SV2C: variants seen among roughly 807,000 people sequenced by gnomAD.
The protein encoded by SV2C is solute carrier family 22 member B3.
In SV2C, 49 loss-of-function variants were observed where a neutral mutation model predicts 79.7. The ratio of observed to expected loss-of-function variants is 0.61; its 90% confidence interval spans 0.49 to 0.78. The LOEUF is 0.78. Ranked by LOEUF, SV2C falls within the 30% of genes least tolerant of loss-of-function variation. SV2C has a pLI of 0.00. For missense variants in SV2C, 833 were observed against 912.9 expected, an observed-to-expected ratio of 0.91 and a Z score of 1.13; for synonymous variants, 334 against 333.2, an observed-to-expected ratio of 1.00 and a Z score of -0.03.
At chr5:76,207,095 A>G (rs996272152) in intron 3 of SV2C, among the ~76,000 whole-genome samples, 2 of 152,032 alleles carry the variant, frequency 1.3e-5, no homozygotes, top group African/African-American at 4.8e-5. Context: ...GTGTTTTCTT[A>G]TGTAACAATG....
At chr5:76,197,215 A>G (rs1380916973) in intron 3 of SV2C, among the ~76,000 whole-genome samples, 2 of 152,218 alleles carry the variant, frequency 1.3e-5, no homozygotes, top group African/African-American at 4.8e-5. Context: ...GGTAGAGAAG[A>G]TAATGTAGGA....
chr5:76,153,363 G>A (rs548664367), intron 2 of SV2C, among the ~76,000 whole-genome samples: 8 of 152,200 alleles, frequency 5.3e-5, no homozygotes, highest in Admixed American at 3.3e-4. Context: ...GATGTCTCTC[G>A]GCTCTCCTAA....
At chr5:76,291,621 T>C in intron 7 of SV2C, 147 bp from the exon 8 acceptor site, 2 of 643,936 alleles carry the variant, frequency 3.1e-6, no homozygotes, top group East Asian at 5.7e-5. Flanking sequence ...GAATGAAAAT[T>C]CCAATTACCT....
At chr5:76,016,253 C>CAAAAAAAAAAAAAAAA in the SV2C span, among the ~76,000 whole-genome samples, 3 of 14,760 alleles carry the variant, frequency 2.0e-4, no homozygotes, top group Admixed American at 1.9e-3. Context: ...TTTTAATTTT[C>CAAAAAAAAAAAAAAAA]TAAAAAAAAA....
the SV2C span, among the ~76,000 whole-genome samples, chr5:75,850,791 G>C: frequency 2.6e-5 from 4 of 152,192 alleles, no homozygotes; most frequent in Non-Finnish European, 5.9e-5. Flanking sequence ...ACAAAGGCTT[G>C]CTGGGGATTT....
chr5:75,990,580 CAG>C, the SV2C span, among the ~76,000 whole-genome samples: 9 of 151,844 alleles, frequency 5.9e-5, no homozygotes, highest in African/African-American at 1.7e-4. Context: ...CCTGGGGTTT[CAG>C]AGAGTGTGAA....
the SV2C span, among the ~76,000 whole-genome samples, chr5:76,072,787 A>T: frequency 6.6e-6 from 1 of 152,170 alleles, no homozygotes; most frequent in Non-Finnish European, 1.5e-5. Flanking sequence ...GATTCTGATT[A>T]TGGCCATTCT....
intron 2 of SV2C, among the ~76,000 whole-genome samples, chr5:76,147,370 G>A (rs993928182): frequency 1.3e-5 from 2 of 152,212 alleles, no homozygotes; most frequent in Non-Finnish European, 2.9e-5. Context: ...GTGTGTATAT[G>A]TAGAGGCAGA....
At chr5:76,010,164 A>G in the SV2C span, among the ~76,000 whole-genome samples, 1 of 152,052 alleles carries the variant, frequency 6.6e-6, no homozygotes, top group Admixed American at 6.6e-5. Context: ...TCATCTTTTC[A>G]GAAAGACACA....
chr5:76,282,866 G>C (rs1747239780), intron 4 of SV2C, among the ~76,000 whole-genome samples: 1 of 151,820 alleles, frequency 6.6e-6, no homozygotes, highest in South Asian at 2.1e-4. Context: ...AAAAAAACTA[G>C]CCAGGCATGG....
the SV2C span, among the ~76,000 whole-genome samples, chr5:76,038,014 G>C: frequency 0.41 from 62,122 of 152,078 alleles, 15,044 homozygotes; most frequent in Middle Eastern, 0.58. Flanking sequence ...TCCAGGTGCC[G>C]TCTGTCACCA....
chr5:76,298,078 C>T (rs557716659), intron 9 of SV2C, among the ~76,000 whole-genome samples: 2 of 152,174 alleles, frequency 1.3e-5, no homozygotes, highest in Non-Finnish European at 2.9e-5. Context: ...CGTAGAATTC[C>T]CCCTTATAAT....
Position 76,326,367 on chromosome 5 carries a change from A to T in SV2C, c.*820A>T, listed in dbSNP as rs1247853506. The T allele has an allele frequency of 6.6e-6, 1 of 152,266 alleles. No homozygotes were observed. Among genetic ancestry groups the T allele is most frequent in the Non-Finnish European group, 1.5e-5 (1 of 68,052 alleles). 9.4% of individuals were successfully genotyped at this position (152,266 alleles called of 1,614,324 possible). A position where few individuals can be genotyped will look rare whatever the true frequency, so the allele number is the denominator to read the frequency against. On this transcript the variant is annotated 3_prime_UTR_variant, in exon 13 of 13. Transcript: ENST00000502798. Reference sequence around the variant, plus strand: ...CTTCAGCTGCCCTTGGTCTTGCCAGACAGCAGATTCAGGGAAAGAAAGCTG... The same window carrying T: ...CTTCAGCTGCCCTTGGTCTTGCCAGTCAGCAGATTCAGGGAAAGAAAGCTG...
At position 76,221,649 on chromosome 5, in the gene SV2C, G is replaced by C. The variant is rs577264576; in HGVS notation, c.913+11762G>C. Reference sequence around the variant, plus strand: ...GCTGTGGCCTTTCTATTTGGTTTCAGAGAATGTAGATACAGGGGTCTCGAG... The same window carrying C: ...GCTGTGGCCTTTCTATTTGGTTTCACAGAATGTAGATACAGGGGTCTCGAG... On this transcript the variant is annotated intron_variant, in intron 4 of 12. Transcript: ENST00000502798. Among the ~76,000 whole-genome samples the C allele has an allele frequency of 3.9e-5, 6 of 152,252 alleles. No individual in the cohort carries two copies. In the East Asian group the frequency reaches 1.2e-3, roughly 29 times the overall value.
the SV2C span, among the ~76,000 whole-genome samples, chr5:76,068,478 A>G: frequency 5.9e-5 from 9 of 152,020 alleles, no homozygotes; most frequent in African/African-American, 2.2e-4. Context: ...ATCTTCGTCC[A>G]CACTTGAGAT....
intron 1 of SV2C, among the ~76,000 whole-genome samples, chr5:76,092,708 A>AT (rs1159507249): frequency 6.6e-6 from 1 of 152,042 alleles, no homozygotes; most frequent in Admixed American, 6.6e-5. Context: ...GGAGATTGGC[A>AT]TTTTTTTATC....
chr5:76,206,053 G>A (rs1316798384), intron 3 of SV2C, among the ~76,000 whole-genome samples: 2 of 151,484 alleles, frequency 1.3e-5, no homozygotes, highest in East Asian at 1.9e-4. Flanking sequence ...TTCAGAAATT[G>A]TATCTTAGTG....
intron 1 of SV2C, among the ~76,000 whole-genome samples, chr5:76,115,119 C>A (rs1439326899): frequency 6.6e-6 from 1 of 152,102 alleles, no homozygotes; most frequent in Non-Finnish European, 1.5e-5. Flanking sequence ...GTCTGGGATA[C>A]CTGTTTACTC....
chr5:75,872,929 G>A, the SV2C span, among the ~76,000 whole-genome samples: 9 of 151,530 alleles, frequency 5.9e-5, no homozygotes, highest in East Asian at 1.7e-3. Context: ...ATTAAAAAAA[G>A]AAAAAGAAAA....
Sources: allele counts gnomAD v4.1 joint callset (sites outside exome capture counted in the v4.1 genomes callset), GRCh38; gene constraint gnomAD v4.1.1; transcripts MANE v1.5; gene names NCBI Gene and HGNC (gene_info 2026-07-23, HGNC 2026-07-21).